Variants in HDAC4 observed in about 807,000 individuals in gnomAD.
HDAC4 encodes the protein histone deacetylase A.
A neutral mutation model predicts 135.1 loss-of-function variants in HDAC4; 16 were observed. That is an observed-to-expected ratio of 0.12 (90% CI 0.08 to 0.18). HDAC4 has a LOEUF of 0.18. HDAC4 is among the 10% of genes least tolerant of loss of function. The pLI is 1.00. For synonymous variants in HDAC4, 685 were observed against 653.4 expected, an observed-to-expected ratio of 1.05 and a Z score of -0.74; for missense variants, 1,143 against 1,511.8, an observed-to-expected ratio of 0.76 and a Z score of 4.05.
chr2:239,159,685 ACACT>A (rs1181920433), intron 6 of HDAC4, among the ~76,000 whole-genome samples: 3 of 151,782 alleles, frequency 2.0e-5, no homozygotes, highest in Non-Finnish European at 4.4e-5. Context: ...GCCCACACTC[ACACT>A]CACCCCGGCC....
chr2:239,367,351 TTGTG>T (rs1694286705), intron 1 of HDAC4, among the ~76,000 whole-genome samples: 1 of 152,226 alleles, frequency 6.6e-6, no homozygotes, highest in African/African-American at 2.4e-5. Flanking sequence ...TCACGACGCT[TTGTG>T]TTTTACCGAA....
In HDAC4 at chr2:239,148,184, G is replaced by A. The variant is rs552353499; in HGVS notation, c.734-3470C>T. 1.2e-3 allele frequency among the ~76,000 whole-genome samples: 183 copies of A among 152,294 alleles called. 1 individual carries two copies. Among genetic ancestry groups the A allele is most frequent in the African/African-American group, 4.2e-3 (173 of 41,562 alleles). ...GAGAAGGAGGCACCTGCTTCCAGCT[G>A]CTCTGCCCTGAAATCCTAAAGTGAC... On this transcript the variant is annotated intron_variant, in intron 7 of 26. Transcript: ENST00000543185.
intron 1 of HDAC4, among the ~76,000 whole-genome samples, chr2:239,382,331 C>T (rs137911299): frequency 0.016 from 2,374 of 152,324 alleles, 24 homozygotes; most frequent in Non-Finnish European, 0.025. Context: ...GTCGCTTCTG[C>T]CACATATGCA....
chr2:239,274,271 C>A (rs567151497), intron 2 of HDAC4, among the ~76,000 whole-genome samples: 220 of 152,212 alleles, frequency 1.4e-3, no homozygotes, highest in African/African-American at 5.1e-3. Flanking sequence ...AAGGTTACAC[C>A]CTCCCAGCTC....
intron 1 of HDAC4, among the ~76,000 whole-genome samples, chr2:239,372,802 C>T (rs1694726769): frequency 6.6e-6 from 1 of 152,224 alleles, no homozygotes; most frequent in Non-Finnish European, 1.5e-5. Flanking sequence ...CATACACATA[C>T]ACACACACGC....
intron 2 of HDAC4, among the ~76,000 whole-genome samples, chr2:239,328,027 C>G (rs759603960): frequency 6.6e-6 from 1 of 152,234 alleles, no homozygotes; most frequent in Non-Finnish European, 1.5e-5. Flanking sequence ...CCCTCCACAT[C>G]TGCCAGTGAC....
chr2:239,376,851 A>C (rs1197229726), intron 1 of HDAC4, among the ~76,000 whole-genome samples: 1 of 152,084 alleles, frequency 6.6e-6, no homozygotes, highest in Non-Finnish European at 1.5e-5. Context: ...GCACAGCACA[A>C]AATGTTTCTG....
At chr2:239,277,891 G>C (rs2050466151) in intron 2 of HDAC4, among the ~76,000 whole-genome samples, 1 of 152,050 alleles carries the variant, frequency 6.6e-6, no homozygotes, top group South Asian at 2.1e-4. Context: ...GCAGGCCCCA[G>C]TCATACGCCC....
At chr2:239,370,054 C>A (rs571359555) in intron 1 of HDAC4, among the ~76,000 whole-genome samples, 1 of 152,256 alleles carries the variant, frequency 6.6e-6, no homozygotes, top group Non-Finnish European at 1.5e-5. Context: ...GAGAAAAGCA[C>A]GCCCAGATGC....
intron 2 of HDAC4, among the ~76,000 whole-genome samples, chr2:239,241,024 T>C (rs1012665146): frequency 2.0e-5 from 3 of 152,056 alleles, no homozygotes; most frequent in African/African-American, 7.2e-5. Context: ...CTTGGGGAAA[T>C]GGCCTCAAGG....
At chr2:239,252,685 CACCAA>C (rs1559287633) in intron 2 of HDAC4, among the ~76,000 whole-genome samples, 1 of 152,228 alleles carries the variant, frequency 6.6e-6, no homozygotes, top group Non-Finnish European at 1.5e-5. Context: ...ACAAACACTG[CACCAA>C]ACCAGAGGGC....
intron 3 of HDAC4, among the ~76,000 whole-genome samples, chr2:239,236,153 G>C (rs1309978791): frequency 6.6e-6 from 1 of 152,210 alleles, no homozygotes; most frequent in African/African-American, 2.4e-5. Flanking sequence ...GACAGATGAT[G>C]CCACTGACTC....
At chr2:239,081,545 T>C (rs1390022358) in intron 21 of HDAC4, among the ~76,000 whole-genome samples, 6 of 152,224 alleles carry the variant, frequency 3.9e-5, no homozygotes, top group African/African-American at 1.4e-4. Context: ...GGGCAGAAAG[T>C]GTCTCCGATG....
At chr2:239,192,058 G>T in intron 3 of HDAC4, among the ~76,000 whole-genome samples, 1 of 152,182 alleles carries the variant, frequency 6.6e-6, no homozygotes, top group East Asian at 1.9e-4. Flanking sequence ...TTTTTAATTG[G>T]GTGTCGACTT....
intron 7 of HDAC4, among the ~76,000 whole-genome samples, chr2:239,153,764 G>A (rs1162236290): frequency 6.6e-6 from 1 of 152,250 alleles, no homozygotes; most frequent in Non-Finnish European, 1.5e-5. Flanking sequence ...CTATCACAAG[G>A]TTAGAAGCAC....
chr2:239,228,021 G>A (rs572674768), intron 3 of HDAC4, among the ~76,000 whole-genome samples: 2 of 152,192 alleles, frequency 1.3e-5, no homozygotes, highest in East Asian at 3.9e-4. Context: ...TTGCTCCTAG[G>A]GACATTGCCA....
intron 9 of HDAC4, among the ~76,000 whole-genome samples, chr2:239,135,336 C>T (rs1029028396): frequency 6.6e-6 from 1 of 152,096 alleles, no homozygotes; most frequent in Non-Finnish European, 1.5e-5. Flanking sequence ...ATGAGGCAGA[C>T]GAGGGTCAGC....
At chr2:239,117,082 G>T (rs1441110574) in intron 12 of HDAC4, among the ~76,000 whole-genome samples, 1 of 152,224 alleles carries the variant, frequency 6.6e-6, no homozygotes, top group Non-Finnish European at 1.5e-5. Flanking sequence ...AAAGGATGGG[G>T]CAAATGCAAG....
intron 22 of HDAC4, among the ~76,000 whole-genome samples, chr2:239,077,474 C>T (rs1040191305): frequency 1.3e-5 from 2 of 152,232 alleles, no homozygotes; most frequent in African/African-American, 4.8e-5. Flanking sequence ...CTCCACTGTT[C>T]GCTTCTTACA....
Sources: gnomAD v4.1 joint callset for allele counts (sites outside exome capture counted in the v4.1 genomes callset) on GRCh38, gnomAD v4.1.1 for gene constraint, MANE v1.5 for transcripts, NCBI Gene and HGNC (gene_info 2026-07-23, HGNC 2026-07-21) for gene names.